The following CSMD3 variants were observed in gnomAD, a reference collection of about 807,000 sequenced individuals.
The protein encoded by CSMD3 is CUB and Sushi multiple domains 3.
CSMD3 carries 177 observed loss-of-function variants against 435.2 expected under a neutral mutation model. That is an observed-to-expected ratio of 0.41 (90% confidence interval 0.36 to 0.46). CSMD3 has a LOEUF of 0.46. Among genes scored for constraint, CSMD3 ranks in the 20% least tolerant of loss-of-function variants. The pLI is 0.34. For missense variants in CSMD3, 4,265 were observed against 4,504.6 expected (o/e 0.95, Z 1.52); for synonymous variants, 1,656 against 1,520.5 (o/e 1.09, Z -2.07).
intron 10 of CSMD3, among the ~76,000 whole-genome samples, chr8:112,918,087 G>T (rs1396360973): frequency 6.6e-6 from 1 of 151,656 alleles, no homozygotes; most frequent in Non-Finnish European, 1.5e-5. Flanking sequence ...ATCTAGTTTT[G>T]TGTTTACGCC....
At chr8:112,571,730 A>G (rs529161656) in intron 24 of CSMD3, among the ~76,000 whole-genome samples, 2 of 151,902 alleles carry the variant, frequency 1.3e-5, no homozygotes, top group Admixed American at 6.6e-5. Flanking sequence ...TTAGCCAGGC[A>G]TGGTGGCGGG....
intron 13 of CSMD3, among the ~76,000 whole-genome samples, chr8:112,726,264 A>G (rs1235663176): frequency 6.6e-6 from 1 of 151,982 alleles, no homozygotes; most frequent in Non-Finnish European, 1.5e-5. Flanking sequence ...AAAACAAAGC[A>G]TAACCATATC....
rs201557907 is a variant in CSMD3 at position 113,371,630 on chromosome 8, G to A, written c.179-56837C>T. Among the ~76,000 whole-genome samples, 10 of 152,218 alleles carry A rather than the reference G, an allele frequency of 6.6e-5. No homozygotes were observed. In the East Asian group the frequency reaches 1.9e-3, roughly 29 times the overall value. ...AATCTTAATGTGAGTCAATAACAGT[G>A]GAAGGTTATCACAATAAATCATAGT... is the stretch of plus-strand genomic sequence containing the variant. On this transcript the variant is annotated intron_variant, in intron 1 of 70. Coordinates refer to ENST00000297405, the MANE Select transcript of CSMD3 (RefSeq NM_198123.2).
intron 13 of CSMD3, among the ~76,000 whole-genome samples, chr8:112,733,637 T>G (rs1330420152): frequency 1.5e-5 from 2 of 135,918 alleles, no homozygotes; most frequent in African/African-American, 6.1e-5. Context: ...TAAGAATACA[T>G]GCATTTACAA....
intron 10 of CSMD3, among the ~76,000 whole-genome samples, chr8:112,871,128 G>A (rs187796132): frequency 4.4e-4 from 67 of 152,244 alleles, no homozygotes; most frequent in Middle Eastern, 6.8e-3. Context: ...ATTAAACATG[G>A]TTGAGTTGAA....
At chr8:112,521,023 T>C (rs1824227744) in intron 27 of CSMD3, among the ~76,000 whole-genome samples, 1 of 151,958 alleles carries the variant, frequency 6.6e-6, no homozygotes, top group South Asian at 2.1e-4. Context: ...TTGCTAGTAT[T>C]AAACACTGTT....
At chr8:112,387,166 G>A (rs1830049590) in intron 36 of CSMD3, among the ~76,000 whole-genome samples, 1 of 152,144 alleles carries the variant, frequency 6.6e-6, no homozygotes, top group South Asian at 2.1e-4. Flanking sequence ...GCCACAAAGA[G>A]TGGGAAATTC....
chr8:112,824,717 C>T (rs2079626626), intron 12 of CSMD3, among the ~76,000 whole-genome samples: 1 of 152,184 alleles, frequency 6.6e-6, no homozygotes, highest in Non-Finnish European at 1.5e-5. Flanking sequence ...CCTGATTTTT[C>T]TCCCTGGCTG....
intron 6 of CSMD3, among the ~76,000 whole-genome samples, chr8:113,017,020 T>C (rs1374283178): frequency 6.6e-6 from 1 of 152,010 alleles, no homozygotes; most frequent in East Asian, 1.9e-4. Context: ...AGGCATATTT[T>C]TATAATAAAA....
chr8:113,010,943 G>A (rs894903363), intron 6 of CSMD3, among the ~76,000 whole-genome samples: 3 of 151,484 alleles, frequency 2.0e-5, no homozygotes, highest in Non-Finnish European at 4.4e-5. Flanking sequence ...GATTTATTAA[G>A]TACACTCTTT....
intron 3 of CSMD3, among the ~76,000 whole-genome samples, chr8:113,211,683 C>T (rs1421176353): frequency 2.6e-5 from 4 of 151,698 alleles, no homozygotes; most frequent in African/African-American, 7.3e-5. Flanking sequence ...AGGAAGACTC[C>T]GTCTCAAAAA....
At chr8:112,427,267 C>A (rs1751151937) in intron 32 of CSMD3, among the ~76,000 whole-genome samples, 2 of 152,020 alleles carry the variant, frequency 1.3e-5, no homozygotes, top group South Asian at 4.1e-4. Context: ...TTGGTTGTGT[C>A]CCCACCCAAA....
chr8:112,397,743 A>G (rs746401296), intron 35 of CSMD3, among the ~76,000 whole-genome samples: 12 of 152,128 alleles, frequency 7.9e-5, no homozygotes, highest in Non-Finnish European at 1.6e-4. Context: ...CCTGCCCCCA[A>G]TACTATCATC....
intron 3 of CSMD3, among the ~76,000 whole-genome samples, chr8:113,175,874 G>A (rs1334001963): frequency 1.3e-5 from 2 of 151,972 alleles, no homozygotes. Context: ...ATATGTCTAG[G>A]AGAAAAGTGG....
intron 3 of CSMD3, among the ~76,000 whole-genome samples, chr8:113,195,591 G>A (rs1204648487): frequency 2.0e-5 from 3 of 149,846 alleles, no homozygotes; most frequent in Non-Finnish European, 4.5e-5. Flanking sequence ...CTAATTTTGG[G>A]GATTCTGGAT....
intron 9 of CSMD3, among the ~76,000 whole-genome samples, chr8:112,939,661 C>A (rs748560616): frequency 6.6e-6 from 1 of 151,872 alleles, no homozygotes. Context: ...ATATTCAACT[C>A]TCAGAAGAAT....
chr8:112,409,607 A>G (rs1424106140), intron 32 of CSMD3, among the ~76,000 whole-genome samples: 1 of 152,022 alleles, frequency 6.6e-6, no homozygotes, highest in Non-Finnish European at 1.5e-5. Context: ...TCTTCTGCCA[A>G]AATAAAGAAA....
intron 5 of CSMD3, among the ~76,000 whole-genome samples, chr8:113,051,273 A>G (rs1413266476): frequency 6.6e-6 from 1 of 152,120 alleles, no homozygotes; most frequent in East Asian, 1.9e-4. Context: ...AGAACAACAC[A>G]TAGTCTGGAT....
chr8:113,036,834 G>T (rs2087374129), intron 5 of CSMD3, among the ~76,000 whole-genome samples: 1 of 152,038 alleles, frequency 6.6e-6, no homozygotes, highest in African/African-American at 2.4e-5. Flanking sequence ...TATGGAGGAT[G>T]TTAGAACTTT....
Sources: allele counts gnomAD v4.1 joint callset (sites outside exome capture counted in the v4.1 genomes callset), GRCh38; gene constraint gnomAD v4.1.1; transcripts MANE v1.5; gene names NCBI Gene and HGNC (gene_info 2026-07-23, HGNC 2026-07-21).